ARHGAP42: variants seen among roughly 807,000 people sequenced by gnomAD.
ARHGAP42 encodes Rho GTPase activating protein 42.
In ARHGAP42, 63 loss-of-function variants were observed where a neutral mutation model predicts 125.0. The observed-to-expected ratio is 0.50, with a 90% CI of 0.41 to 0.62. ARHGAP42 has a LOEUF of 0.62. Ranked by LOEUF, ARHGAP42 falls within the 20% of genes least tolerant of loss-of-function variation. The pLI is 0.00. For synonymous variants in ARHGAP42, 339 were observed against 351.0 expected, an observed-to-expected ratio of 0.97 and a Z score of 0.38; for missense variants, 766 against 1,024.2, an observed-to-expected ratio of 0.75 and a Z score of 3.44.
At chr11:100,703,389 C>A (rs938131431) in intron 1 of ARHGAP42, among the ~76,000 whole-genome samples, 4 of 152,178 alleles carry the variant, frequency 2.6e-5, no homozygotes, top group Middle Eastern at 3.4e-3. Context: ...GAAGATGTAG[C>A]ATTTTTTTTT....
intron 1 of ARHGAP42, among the ~76,000 whole-genome samples, chr11:100,711,843 C>A (rs1418408509): frequency 6.6e-6 from 1 of 152,078 alleles, no homozygotes; most frequent in East Asian, 1.9e-4. Flanking sequence ...ATCACCTTTA[C>A]CAGGAGTCAA....
At chr11:100,923,782 A>G (rs1867345468) in intron 6 of ARHGAP42, among the ~76,000 whole-genome samples, 1 of 152,140 alleles carries the variant, frequency 6.6e-6, no homozygotes, top group Non-Finnish European at 1.5e-5. Flanking sequence ...ATATTTTCCC[A>G]GCTGCTGTGT....
intron 6 of ARHGAP42, 44 bp downstream of exon 6, chr11:100,921,648 T>C: frequency 1.6e-6 from 2 of 1,220,720 alleles, no homozygotes; most frequent in Non-Finnish European, 2.3e-6. Context: ...CAAAACAATC[T>C]ATGGAAAAAA....
At chr11:100,701,728 G>T (rs1028282879) in intron 1 of ARHGAP42, among the ~76,000 whole-genome samples, 2 of 152,176 alleles carry the variant, frequency 1.3e-5, no homozygotes, top group Non-Finnish European at 1.5e-5. Context: ...CAATATTGTG[G>T]CTGGTTTCAT....
chr11:100,729,303 A>T (rs1861915736), intron 1 of ARHGAP42, among the ~76,000 whole-genome samples: 1 of 151,882 alleles, frequency 6.6e-6, no homozygotes, highest in Non-Finnish European at 1.5e-5. Flanking sequence ...GAAATTATAC[A>T]ATTTAGTAAT....
At chr11:100,886,809 C>A (rs934408893) in intron 4 of ARHGAP42, among the ~76,000 whole-genome samples, 2 of 152,102 alleles carry the variant, frequency 1.3e-5, no homozygotes, top group African/African-American at 4.8e-5. Flanking sequence ...GAGAAGAAAT[C>A]AAATATAGTG....
At position 100,768,650 on chromosome 11, in the gene ARHGAP42, G is replaced by T. The variant is rs1158635197; in HGVS notation, c.155-1693G>T. Among the ~76,000 whole-genome samples, 3 of 152,166 alleles carry T rather than the reference G, an allele frequency of 2.0e-5. No homozygotes were observed. In the East Asian group the frequency reaches 5.8e-4, roughly 29 times the overall value. On this transcript the variant is annotated intron_variant, in intron 1 of 23. Transcript: ENST00000298815. ...CAGAAAATTCTATTTTCTTATTGAT[G>T]TAGACATCTGTGGCTGGGTTGACAT...
At chr11:100,961,818 C>T in intron 15 of ARHGAP42, 50 bp downstream of exon 15, 1 of 1,440,550 alleles carries the variant, frequency 6.9e-7, no homozygotes, top group Non-Finnish European at 9.5e-7. Context: ...CTGACTCACC[C>T]CTTGAGTAGT....
At chr11:100,938,000 C>G (rs1027831709) in intron 8 of ARHGAP42, among the ~76,000 whole-genome samples, 2 of 150,682 alleles carry the variant, frequency 1.3e-5, no homozygotes, top group African/African-American at 4.9e-5. Flanking sequence ...CTTAACTTCT[C>G]TGGGTCATTC....
rs869272420 is a variant in ARHGAP42, at chr11:100,794,075, CAAAAAAAAAAAAAAAAAAAAAAAA to C, written c.251-1016_251-993del. On this transcript the variant is annotated intron_variant, in intron 2 of 23. Transcript: ENST00000298815. ...CGAACAACAGAGCTAGACCCTGTCT[CAAAAAAAAAAAAAAAAAAAAAAAA>C]AAAAAAAAAAAAAGACATAGAAGAG... Among the ~76,000 whole-genome samples the C allele has an allele frequency of 1.8e-4, 8 of 44,864 alleles. 2 individuals carry two copies. In the Admixed American group the frequency reaches 2.3e-3, roughly 13 times the overall value. 29.4% of individuals were successfully genotyped at this position (44,864 alleles called of 152,430 possible).
intron 4 of ARHGAP42, among the ~76,000 whole-genome samples, chr11:100,874,905 G>C (rs1268314345): frequency 6.6e-6 from 1 of 152,044 alleles, no homozygotes; most frequent in Non-Finnish European, 1.5e-5. Flanking sequence ...TTACTTACCA[G>C]CTCAAAGCAC....
chr11:100,867,279 A>C (rs1018102428), intron 4 of ARHGAP42, among the ~76,000 whole-genome samples: 1 of 152,206 alleles, frequency 6.6e-6, no homozygotes, highest in Non-Finnish European at 1.5e-5. Flanking sequence ...TTCTCTAGCT[A>C]TGAAAGTCCT....
chr11:100,753,898 A>G (rs1368186611), intron 1 of ARHGAP42, among the ~76,000 whole-genome samples: 5 of 152,204 alleles, frequency 3.3e-5, no homozygotes, highest in African/African-American at 1.2e-4. Flanking sequence ...TGCAGCCTGC[A>G]GCTTCTTTCA....
chr11:100,776,591 A>G (rs965829974), intron 2 of ARHGAP42, among the ~76,000 whole-genome samples: 7 of 152,192 alleles, frequency 4.6e-5, no homozygotes, highest in Non-Finnish European at 8.8e-5. Flanking sequence ...ACAATCCCCC[A>G]GCTATTTCTG....
At chr11:100,824,277 G>A (rs1202225977) in intron 3 of ARHGAP42, among the ~76,000 whole-genome samples, 2 of 152,140 alleles carry the variant, frequency 1.3e-5, no homozygotes, top group Non-Finnish European at 2.9e-5. Flanking sequence ...TACATAGATT[G>A]TGTGGTCTGC....
intron 3 of ARHGAP42, among the ~76,000 whole-genome samples, chr11:100,845,653 A>T (rs1035928810): frequency 6.6e-6 from 1 of 152,198 alleles, no homozygotes; most frequent in Non-Finnish European, 1.5e-5. Context: ...AAGAAAACCT[A>T]CCTAGGGGTA....
At chr11:100,805,451 A>G (rs947685761) in intron 3 of ARHGAP42, among the ~76,000 whole-genome samples, 11 of 152,358 alleles carry the variant, frequency 7.2e-5, no homozygotes, top group African/African-American at 2.6e-4. Flanking sequence ...CAATAAGTTC[A>G]TCATATTGTT....
intron 3 of ARHGAP42, among the ~76,000 whole-genome samples, chr11:100,858,298 T>G (rs1865372035): frequency 6.6e-6 from 1 of 152,136 alleles, no homozygotes; most frequent in Non-Finnish European, 1.5e-5. Flanking sequence ...GCCAGTGGTA[T>G]CTCCAGTTGG....
At chr11:100,969,048 T>C (rs1317237419) in intron 17 of ARHGAP42, among the ~76,000 whole-genome samples, 1 of 152,216 alleles carries the variant, frequency 6.6e-6, no homozygotes, top group Non-Finnish European at 1.5e-5. Context: ...GCAGATCTGC[T>C]AGCAATAAGT....
Sources: gnomAD v4.1 joint callset for allele counts (sites outside exome capture counted in the v4.1 genomes callset) on GRCh38, gnomAD v4.1.1 for gene constraint, MANE v1.5 for transcripts, NCBI Gene and HGNC (gene_info 2026-07-23, HGNC 2026-07-21) for gene names.